Variants in DPP6 observed in about 807,000 individuals in gnomAD.
DPP6 encodes dipeptidyl peptidase like 6.
In DPP6, 69 loss-of-function variants were observed where a neutral mutation model predicts 122.6. The observed-to-expected ratio is 0.56, with a 90% confidence interval of 0.46 to 0.69. DPP6 has a LOEUF of 0.69. DPP6 is among the 30% of genes least tolerant of loss of function. DPP6 has a pLI of 0.00. For synonymous variants in DPP6, 418 were observed against 433.1 expected (o/e 0.97, Z 0.43); for missense variants, 928 against 1,116.9 (o/e 0.83, Z 2.41).
Position 154,601,161 on chromosome 7 carries a change from G to A in DPP6, c.627+34245G>A, listed in dbSNP as rs150797621. Among the ~76,000 whole-genome samples the A allele has an allele frequency of 1.6e-3, 199 of 121,460 alleles. 33 individuals are homozygous for A. Among genetic ancestry groups the A allele is most frequent in the African/African-American group, 4.9e-3 (189 of 38,212 alleles). 79.7% of individuals were successfully genotyped at this position (121,460 alleles called of 152,430 possible). On this transcript the variant is annotated intron_variant, in intron 5 of 25. Transcript: ENST00000377770. ...AAGTGTGATCTGTCTTGTTGAATGCGTCCAGGGTCTTGAAGGTGTGTATGT... is the reference window on the plus strand; with the variant it reads ...AAGTGTGATCTGTCTTGTTGAATGCATCCAGGGTCTTGAAGGTGTGTATGT...
chr7:154,793,430 C>T (rs1797814280), intron 10 of DPP6, among the ~76,000 whole-genome samples: 1 of 152,134 alleles, frequency 6.6e-6, no homozygotes, highest in Non-Finnish European at 1.5e-5. Flanking sequence ...GAGAGCCGCA[C>T]AGAGCCTGTG....
chr7:154,492,531 G>A (rs1380003066), intron 3 of DPP6, among the ~76,000 whole-genome samples: 2 of 152,120 alleles, frequency 1.3e-5, no homozygotes, highest in African/African-American at 2.4e-5. Flanking sequence ...CGTTCACCTC[G>A]TCCTTCCCTC....
chr7:154,632,396 T>C (rs1835460340), intron 5 of DPP6, among the ~76,000 whole-genome samples: 1 of 152,178 alleles, frequency 6.6e-6, no homozygotes, highest in African/African-American at 2.4e-5. Context: ...AGAAAGTTAC[T>C]GATTAGAAAT....
At chr7:154,700,934 C>A (rs554783105) in intron 7 of DPP6, among the ~76,000 whole-genome samples, 3 of 152,222 alleles carry the variant, frequency 2.0e-5, no homozygotes, top group African/African-American at 7.2e-5. Context: ...TCAGACAGAC[C>A]ACAGTCCAGC....
Position 153,965,031 on chromosome 7 carries a change from C to CCTTCCTTCCTTCCTTT in DPP6, c.51+77300_51+77301insCCTTCCTTCCTTTCTT, listed in dbSNP as rs1373802306. On this transcript the variant is annotated intron_variant, in intron 1 of 25. Transcript: ENST00000404039. ...TCCTTCCTTCCTTCCTTCCTTCCTT[C>CCTTCCTTCCTTCCTTT]CTTTCTTTCTCTCAGAATTCAGACT... 1.7e-4 allele frequency among the ~76,000 whole-genome samples: 20 copies of CCTTCCTTCCTTCCTTT among 120,084 alleles called. 1 individual carries two copies. Among genetic ancestry groups the CCTTCCTTCCTTCCTTT allele is most frequent in the African/African-American group, 8.5e-4 (20 of 23,642 alleles). 78.8% of individuals were successfully genotyped at this position (120,084 alleles called of 152,430 possible).
rs142605820 is a variant in DPP6 at position 153,912,018 on chromosome 7, A to G, written c.51+24284A>G. Among the ~76,000 whole-genome samples the G allele has an allele frequency of 6.4e-3, 969 of 152,318 alleles. 15 individuals are homozygous for G. The highest frequency in any genetic ancestry group is 5.7e-3 in the Non-Finnish European group (389 of 68,022). On this transcript the variant is annotated intron_variant, in intron 1 of 25. Transcript: ENST00000404039. ...GGAATTCAGAACTTTTCAGAATTCA[A>G]GAAGCTAACACAAATTGTCTTTATT...
rs1823848536 is a variant in DPP6, at chr7:154,486,942, C to T, written c.457+11905C>T. Among the ~76,000 whole-genome samples, 1 of 152,142 alleles carries T rather than the reference C, an allele frequency of 6.6e-6. No homozygotes were observed. The highest frequency in any genetic ancestry group is 6.5e-5 in the Admixed American group (1 of 15,280). Reference sequence around the variant, plus strand: ...TGGGGACTCAAGTCTCTGCAGGCTCCACTGGGCCAACTTGCTTCCTGCAGA... The same window carrying T: ...TGGGGACTCAAGTCTCTGCAGGCTCTACTGGGCCAACTTGCTTCCTGCAGA... On this transcript the variant is annotated intron_variant, in intron 3 of 25. Transcript: ENST00000377770. The surrounding 1 kb of genome is among the most constrained non-coding windows in gnomAD (Gnocchi z 4.5).
chr7:153,836,363 A>G, the DPP6 span, among the ~76,000 whole-genome samples: 1 of 152,174 alleles, frequency 6.6e-6, no homozygotes, highest in South Asian at 2.1e-4. Flanking sequence ...TACAGGGGGA[A>G]GAAGAGTGCA....
chr7:154,556,121 AT>A (rs1390835060), intron 4 of DPP6, among the ~76,000 whole-genome samples: 1 of 152,216 alleles, frequency 6.6e-6, no homozygotes, highest in Non-Finnish European at 1.5e-5. Context: ...GAACGACGTT[AT>A]ATTCAACTCA....
At chr7:154,374,095 A>G (rs1481259828) in intron 1 of DPP6, among the ~76,000 whole-genome samples, 1 of 152,198 alleles carries the variant, frequency 6.6e-6, no homozygotes, top group Non-Finnish European at 1.5e-5. Flanking sequence ...TAACCCTGTC[A>G]CGTTGCTGTG....
chr7:153,852,429 T>G, the DPP6 span, among the ~76,000 whole-genome samples: 2 of 151,074 alleles, frequency 1.3e-5, no homozygotes, highest in Non-Finnish European at 3.0e-5. Flanking sequence ...AGCAAGAGAG[T>G]GGGAGCTGCC....
At position 154,801,355 on chromosome 7, in the gene DPP6, A is replaced by G. The variant is rs1350833267; in HGVS notation, c.1300A>G (p.Asn434Asp). 6.3e-7 allele frequency: 1 copy of G among 1,582,208 alleles called. No individual in the cohort carries two copies. The highest frequency in any genetic ancestry group is 2.3e-5 in the East Asian group (1 of 43,826). ...DESEAWLHRQ[N>D]EEPVFSKDGR... The stretch of plus-strand genomic sequence containing the variant: ...TTTCATCCGTGGCCTTTGTCCACAG[A>G]ATGAAGAACCTGTGTTCTCCAAGGA... Residue 434 changes from asparagine (N) to aspartate (D), a missense_variant and splice_region_variant, in exon 13 of 26, where the codon AAT (asparagine) becomes GAT (aspartate). Asn to Asp is a conservative substitution (Grantham distance 23, BLOSUM62 1). Transcript: ENST00000377770.
At chr7:154,488,580 T>C (rs1274800250) in intron 3 of DPP6, among the ~76,000 whole-genome samples, 1 of 151,702 alleles carries the variant, frequency 6.6e-6, no homozygotes, top group Non-Finnish European at 1.5e-5. Context: ...ACTAGATGTG[T>C]TCTCCATCGT....
At chr7:154,216,728 C>T (rs1035587709) in intron 1 of DPP6, among the ~76,000 whole-genome samples, 2 of 151,898 alleles carry the variant, frequency 1.3e-5, no homozygotes, top group Admixed American at 6.6e-5. Context: ...CATCTTCATT[C>T]GTGGGAACCT....
At chr7:154,635,063 C>G (rs1306648294) in intron 5 of DPP6, among the ~76,000 whole-genome samples, 1 of 152,150 alleles carries the variant, frequency 6.6e-6, no homozygotes, top group East Asian at 1.9e-4. Context: ...GAGATACAAG[C>G]TTGGTTCAGG....
chr7:154,250,877 A>G (rs78300111), intron 1 of DPP6, among the ~76,000 whole-genome samples: 5,954 of 152,202 alleles, frequency 0.039, 190 homozygotes, highest in East Asian at 0.14. Flanking sequence ...CAAAATTCCA[A>G]AGCTTGGCTG....
chr7:153,843,696 T>C, the DPP6 span, among the ~76,000 whole-genome samples: 1 of 152,204 alleles, frequency 6.6e-6, no homozygotes, highest in African/African-American at 2.4e-5. Flanking sequence ...AAGTACAGTA[T>C]GCAGAGATAA....
At chr7:154,737,827 G>A (rs953891731) in intron 8 of DPP6, among the ~76,000 whole-genome samples, 1 of 152,208 alleles carries the variant, frequency 6.6e-6, no homozygotes, top group Non-Finnish European at 1.5e-5. Flanking sequence ...AGATTTAAGA[G>A]CCCAACAGAC....
intron 1 of DPP6, among the ~76,000 whole-genome samples, chr7:154,331,796 CCA>C (rs1808969954): frequency 6.6e-6 from 1 of 152,104 alleles, no homozygotes; most frequent in Non-Finnish European, 1.5e-5. Context: ...AAGAATACAG[CCA>C]CTTTTTCAGG....
Sources: gnomAD v4.1 joint callset for allele counts (sites outside exome capture counted in the v4.1 genomes callset) on GRCh38, gnomAD v4.1.1 for gene constraint, Gnocchi (gnomAD v3.1) non-coding constraint, MANE v1.5 for transcripts, NCBI Gene and HGNC (gene_info 2026-07-23, HGNC 2026-07-21) for gene names.